Variants in NCAN observed in about 807,000 individuals in gnomAD.
NCAN encodes the protein neurocan core protein.
NCAN carries 47 observed loss-of-function variants against 121.8 expected under a neutral mutation model. The ratio of observed to expected loss-of-function variants is 0.39; its 90% CI spans 0.31 to 0.49. NCAN has a LOEUF of 0.49. Among genes scored for constraint, NCAN ranks in the 20% least tolerant of loss-of-function variants. The pLI is 0.92. For synonymous variants in NCAN, 633 were observed against 702.0 expected (o/e 0.90, Z 1.55); for missense variants, 1,517 against 1,773.4 (o/e 0.86, Z 2.60).
rs942091303 is a variant in NCAN, at chr19:19,227,138, A to G, written c.1660+65A>G. 3 of 1,492,636 alleles carry G rather than the reference A, an allele frequency of 2.0e-6. No homozygotes were observed. In the African/African-American group the frequency reaches 4.2e-5, roughly 21 times the overall value. 92.5% of individuals were successfully genotyped at this position (1,492,636 alleles called of 1,614,324 possible). ...TGGAGGTGAGGGTAGAGAGGTAGCC[A>G]TGGCTACACTCAGAATGAGGGAGGA... On this transcript the variant is annotated intron_variant, in intron 7 of 14. Coordinates refer to ENST00000252575, the MANE Select transcript of NCAN (RefSeq NM_004386.3). The surrounding 1 kb of genome is among the most constrained non-coding windows in gnomAD (Gnocchi z 4.2).
chr19:19,216,860 G>A (rs988660054), intron 1 of NCAN, 87 bp from the exon 2 acceptor site: 2 of 679,050 alleles, frequency 2.9e-6, no homozygotes, highest in Admixed American at 3.2e-5. Flanking sequence ...CTGATCTGTA[G>A]AGTGGGGGAG....
chr19:19,235,578 A>ATT lies in NCAN; in HGVS notation c.3250+485_3250+486dup, dbSNP rs1345718406. On this transcript the variant is annotated intron_variant, in intron 10 of 14. Transcript: ENST00000252575. ...TGTGCCACTGCGCCTGCCCTATTTT[A>ATT]TTTTATTTTTTTTTTTTGAGACAGA... 3.7e-3 allele frequency among the ~76,000 whole-genome samples: 486 copies of ATT among 131,412 alleles called. 3 individuals carry two copies. The highest frequency in any genetic ancestry group is 0.014 in the African/African-American group (460 of 32,894). The allele number at this position is 131,412 out of a possible 152,430, so 86.2% of individuals were successfully genotyped here.
chr19:19,235,350 A>C (rs1263344835), intron 10 of NCAN, among the ~76,000 whole-genome samples: 2 of 151,702 alleles, frequency 1.3e-5, no homozygotes, highest in African/African-American at 4.8e-5. Flanking sequence ...GCTCACTGCA[A>C]CCCCCACCTC....
intron 1 of NCAN, among the ~76,000 whole-genome samples, chr19:19,216,600 A>G (rs193277898): frequency 1.0e-3 from 156 of 151,778 alleles, no homozygotes; most frequent in Admixed American, 2.0e-3. Context: ...GTGAGCCACC[A>G]CGCCTGGCTG....
In NCAN at chr19:19,248,905, C is replaced by T. The variant is rs112592989; in HGVS notation, c.3820+23C>T. The T allele has an allele frequency of 5.5e-5, 89 of 1,612,116 alleles. 2 individuals carry two copies. In the African/African-American group the frequency reaches 6.1e-4, roughly 11 times the overall value. ...AACGTAAGTAGCTTCTCCCAGAGAT[C>T]TCAACATAGGTTTTTGGTATTTCTA... On this transcript the variant is annotated intron_variant, in intron 14 of 14. Coordinates refer to ENST00000252575, the MANE Select transcript of NCAN (RefSeq NM_004386.3).
intron 9 of NCAN, 75 bp downstream of exon 9, chr19:19,233,980 T>C (rs2060871854): frequency 9.7e-6 from 9 of 928,914 alleles, no homozygotes; most frequent in South Asian, 8.4e-5. Flanking sequence ...CCAGCAGCCA[T>C]GCCCTCAGAA....
chr19:19,251,560 T>C lies in NCAN; in HGVS notation c.*1649T>C, dbSNP rs1043327964. ...CCTTACTCTGGCTCTGCTTACACTT[T>C]CTCTCCATCACCAAATCCTTACTCC... On this transcript the variant is annotated 3_prime_UTR_variant, in exon 15 of 15. Transcript: ENST00000252575. The C allele has an allele frequency of 1.3e-5, 2 of 152,122 alleles. No homozygotes were observed. The highest frequency in any genetic ancestry group is 4.8e-5 in the African/African-American group (2 of 41,412). 9.4% of individuals were successfully genotyped at this position (152,122 alleles called of 1,614,324 possible).
At chr19:19,240,192 C>G (rs2060898397) in intron 11 of NCAN, among the ~76,000 whole-genome samples, 1 of 149,694 alleles carries the variant, frequency 6.7e-6, no homozygotes, top group South Asian at 2.1e-4. Flanking sequence ...CTCTCCTTCT[C>G]CCTTCCTTCC....
Position 19,211,987 on chromosome 19 carries a change from C to G in NCAN, c.-85C>G, listed in dbSNP as rs1459530859. 1.5e-5 allele frequency: 3 copies of G among 206,710 alleles called. No individual in the cohort carries two copies. The highest frequency in any genetic ancestry group is 3.1e-5 in the Non-Finnish European group (3 of 95,704). 12.8% of individuals were successfully genotyped at this position (206,710 alleles called of 1,614,324 possible). On this transcript the variant is annotated 5_prime_UTR_variant, in exon 1 of 15. Transcript: ENST00000252575. ...CGCAGGGCGCAGGGGCTGGACCCGG[C>G]GCGGAGCTGGCTGAGTCGGAGCGCA...
rs1429982709 is a variant in NCAN, at chr19:19,225,123, C to T, written c.925C>T (p.Leu309=). The T allele has an allele frequency of 3.3e-6, 5 of 1,532,124 alleles. No individual in the cohort carries two copies. Among genetic ancestry groups the T allele is most frequent in the Non-Finnish European group, 4.4e-6 (5 of 1,148,258 alleles). 94.9% of individuals were successfully genotyped at this position (1,532,124 alleles called of 1,614,324 possible). Reference sequence around the variant, plus strand: ...CCTGGACCAGTGCGACCCGGGCTGGCTGGCCGACGGCAGCGTGCGCTACCC... The same window carrying T: ...CCTGGACCAGTGCGACCCGGGCTGGTTGGCCGACGGCAGCGTGCGCTACCC... ...EGLDQCDPGW[L]ADGSVRYPIQ... Residue 309 remains leucine, a synonymous_variant, in exon 6 of 15, where the codon CTG becomes TTG. Coordinates refer to ENST00000252575, the MANE Select transcript of NCAN (RefSeq NM_004386.3). This position sits in a 1 kb window ranked among gnomAD's most constrained non-coding sequence, Gnocchi z 4.0.
chr19:19,235,066 C>T lies in NCAN; in HGVS notation c.3220C>T (p.Pro1074Ser). Residue 1074 changes from proline (P) to serine (S), a missense_variant, in exon 10 of 15, where the codon CCC becomes TCC. Transcript: ENST00000252575. ...CAATGGCTTTGTCTGCCTTTGCCTCCCCAGCTATGGGGGCAGCTTTTGTGA... is the reference window on the plus strand; with the variant it reads ...CAATGGCTTTGTCTGCCTTTGCCTCTCCAGCTATGGGGGCAGCTTTTGTGA... ...EVNGFVCLCL[P>S]SYGGSFCEKD... 6.2e-7 allele frequency: 1 copy of T among 1,612,556 alleles called. No individual in the cohort carries two copies. The highest frequency in any genetic ancestry group is 8.5e-7 in the Non-Finnish European group (1 of 1,178,968).
intron 1 of NCAN, among the ~76,000 whole-genome samples, chr19:19,215,826 C>T (rs1271846580): frequency 4.6e-5 from 7 of 152,116 alleles, no homozygotes; most frequent in African/African-American, 1.2e-4. Context: ...CTCTAGGAGC[C>T]GCCAGTCTGA....
At chr19:19,214,991 G>A (rs2060791232) in intron 1 of NCAN, among the ~76,000 whole-genome samples, 1 of 152,170 alleles carries the variant, frequency 6.6e-6, no homozygotes, top group African/African-American at 2.4e-5. Context: ...CTGGTCCAGG[G>A]TCTGGCTTTG....
In NCAN at chr19:19,245,236, G is replaced by T; in HGVS notation, c.3493-77G>T. 3 of 1,558,396 alleles carry T rather than the reference G, an allele frequency of 1.9e-6. No homozygotes were observed. The South Asian group carries it at 3.7e-5, about 19-fold the overall frequency. ...GAGTTTGAGGGGTCTGGCCAGGGGA[G>T]TCCCACAGCAGGAATTGCCAGAACC... On this transcript the variant is annotated intron_variant, in intron 12 of 14. Transcript: ENST00000252575.
rs1395806947 is a variant in NCAN, at chr19:19,243,093, T to G, written c.3493-2220T>G. Among the ~76,000 whole-genome samples the G allele has an allele frequency of 2.6e-5, 4 of 152,038 alleles. No homozygotes were observed. The East Asian group carries it at 7.7e-4, about 29-fold the overall frequency. ...CCAGCTGTTGTATGATTTTTTTTTTTCATGAAGCATTCAGAGTAGGCAAAT... is the reference window on the plus strand; with the variant it reads ...CCAGCTGTTGTATGATTTTTTTTTTGCATGAAGCATTCAGAGTAGGCAAAT... On this transcript the variant is annotated intron_variant, in intron 12 of 14. Transcript: ENST00000252575.
At chr19:19,226,336 C>A (rs1463803002) in intron 6 of NCAN, 150 bp from the exon 7 acceptor site, 2 of 635,710 alleles carry the variant, frequency 3.1e-6, no homozygotes, top group Non-Finnish European at 5.1e-6. Context: ...CTTCCCTCTC[C>A]CAGGCTGGGG....
chr19:19,244,291 T>TGTCTGAACCCTTACTGTTCCCC (rs1431024564), intron 12 of NCAN, among the ~76,000 whole-genome samples: 52 of 149,240 alleles, frequency 3.5e-4, no homozygotes, highest in African/African-American at 1.3e-3. Context: ...TGCTGTTCCC[T>TGTCTGAACCCTTACTGTTCCCC]GTCTGAACCC....
intron 1 of NCAN, among the ~76,000 whole-genome samples, chr19:19,213,514 G>A (rs1353321094): frequency 3.4e-5 from 5 of 147,906 alleles, no homozygotes; most frequent in African/African-American, 4.9e-5. Flanking sequence ...GTGGGGGGGG[G>A]GGGGCCCGAG....
In NCAN at chr19:19,224,112, T is replaced by G. The variant is rs1439623949; in HGVS notation, c.567T>G (p.Ile189Met). ...CCTGCCGTCTCAGCTCAGCCATCAT[T>G]GCAGCCCCTCGGCATCTACAGGCTG... ...QEACRLSSAI[I>M]AAPRHLQAAF... The change falls in exon 4 of 15, where the codon ATT becomes ATG. Residue 189 changes from isoleucine to methionine, a missense_variant. By Grantham distance (10) the Ile-to-Met change is conservative. Transcript: ENST00000252575. 6.2e-7 allele frequency: 1 copy of G among 1,609,710 alleles called. No homozygotes were observed. The highest frequency in any genetic ancestry group is 8.5e-7 in the Non-Finnish European group (1 of 1,176,616).
Sources: allele counts gnomAD v4.1 joint callset (sites outside exome capture counted in the v4.1 genomes callset), GRCh38; gene constraint gnomAD v4.1.1; non-coding constraint Gnocchi (gnomAD v3.1); transcripts MANE v1.5; gene names NCBI Gene and HGNC (gene_info 2026-07-23, HGNC 2026-07-21).